Variants in CA10 observed in about 807,000 individuals in gnomAD.
The protein encoded by CA10 is carbonic anhydrase 10 (inactive).
Under a neutral mutation model 44.2 loss-of-function variants are expected in CA10, and 14 were observed. The ratio of observed to expected loss-of-function variants is 0.32; its 90% confidence interval spans 0.21 to 0.50. The LOEUF (loss-of-function observed/expected upper bound fraction) is 0.50. Ranked by LOEUF, CA10 falls within the 20% of genes least tolerant of loss-of-function variation. The pLI, the probability that CA10 is intolerant of heterozygous loss-of-function variation, is 0.99. For synonymous variants in CA10, 159 were observed against 141.6 expected (o/e 1.12, Z -0.87); for missense variants, 350 against 409.7 (o/e 0.85, Z 1.26).
At chr17:51,638,997 T>C (rs1469076174) in intron 6 of CA10, among the ~76,000 whole-genome samples, 2 of 152,070 alleles carry the variant, frequency 1.3e-5, no homozygotes, top group Non-Finnish European at 2.9e-5. Context: ...GTGAGAAATG[T>C]GGCTGGTGGG....
At chr17:52,094,963 C>T (rs1042858373) in intron 1 of CA10, among the ~76,000 whole-genome samples, 28 of 152,130 alleles carry the variant, frequency 1.8e-4, no homozygotes, top group Admixed American at 1.4e-3. Context: ...TAATTTCACT[C>T]CTAGGTATAG....
chr17:52,052,609 A>G (rs1355210450), intron 2 of CA10, among the ~76,000 whole-genome samples: 1 of 152,108 alleles, frequency 6.6e-6, no homozygotes, highest in Admixed American at 6.6e-5. Context: ...TTCAGAAGAT[A>G]TCAAGTGAAT....
intron 3 of CA10, among the ~76,000 whole-genome samples, chr17:51,751,538 C>T (rs1904890258): frequency 6.6e-6 from 1 of 152,172 alleles, no homozygotes; most frequent in Non-Finnish European, 1.5e-5. Flanking sequence ...CCTTCCCTTA[C>T]TCTTGGCTAT....
At chr17:51,906,629 A>G (rs764871439) in intron 3 of CA10, among the ~76,000 whole-genome samples, 3 of 152,070 alleles carry the variant, frequency 2.0e-5, no homozygotes, top group Non-Finnish European at 4.4e-5. Flanking sequence ...CCACTTTCTT[A>G]GTTTCCAGAC....
At chr17:51,867,203 C>CAAGT (rs1333376162) in intron 3 of CA10, among the ~76,000 whole-genome samples, 2 of 152,132 alleles carry the variant, frequency 1.3e-5, no homozygotes, top group African/African-American at 4.8e-5. Flanking sequence ...AATTGATTAG[C>CAAGT]AAGTGTAATT....
chr17:52,160,013 A>C (rs1035865162), upstream of CA10: 16 of 152,164 alleles, frequency 1.1e-4, no homozygotes, highest in Admixed American at 7.9e-4. Flanking sequence ...CCGATTGGGA[A>C]CTGTGACGTT....
chr17:51,845,714 C>T (rs759097018), intron 3 of CA10, among the ~76,000 whole-genome samples: 1 of 152,168 alleles, frequency 6.6e-6, no homozygotes, highest in Non-Finnish European at 1.5e-5. Flanking sequence ...ACTCCTTGTC[C>T]ACCTCTTTTC....
intron 1 of CA10, among the ~76,000 whole-genome samples, chr17:52,139,451 ATT>A (rs57107629): frequency 2.7e-3 from 378 of 140,630 alleles, no homozygotes; most frequent in Middle Eastern, 7.2e-3. Flanking sequence ...AGACAAGGTG[ATT>A]TTTTTTTTTT....
chr17:51,849,266 A>ATATATAT (rs1555605624), intron 3 of CA10, among the ~76,000 whole-genome samples: 12 of 68,428 alleles, frequency 1.8e-4, no homozygotes, highest in Non-Finnish European at 3.1e-4. Context: ...TATATATATA[A>ATATATAT]AACTAAGTTT....
chr17:52,042,546 A>G lies in CA10; in HGVS notation c.136+29773T>C, dbSNP rs1986800533. Among the ~76,000 whole-genome samples, 3 of 151,862 alleles carry G rather than the reference A, an allele frequency of 2.0e-5. No homozygotes were observed. In the South Asian group the frequency reaches 6.2e-4, roughly 31 times the overall value. ...ATTTGCAAATATTTTCTCCCATTCT[A>G]TAGTTTGCCTTTTCATCTTGATTTT... On this transcript the variant is annotated intron_variant, in intron 2 of 8. Coordinates refer to ENST00000451037, the MANE Select transcript of CA10 (RefSeq NM_020178.5).
At chr17:51,731,630 A>G (rs1916722573) in intron 4 of CA10, among the ~76,000 whole-genome samples, 2 of 149,740 alleles carry the variant, frequency 1.3e-5, no homozygotes, top group African/African-American at 4.9e-5. Flanking sequence ...ACTACTGGAA[A>G]AGACACAGAG....
chr17:52,148,392 G>T (rs546326230), intron 1 of CA10, among the ~76,000 whole-genome samples: 2 of 152,322 alleles, frequency 1.3e-5, no homozygotes, highest in East Asian at 3.9e-4. Flanking sequence ...TTGGTATGGT[G>T]TCATAAATAC....
chr17:52,064,219 C>G (rs1181608124), intron 2 of CA10, among the ~76,000 whole-genome samples: 1 of 152,186 alleles, frequency 6.6e-6, no homozygotes, highest in Non-Finnish European at 1.5e-5. Context: ...CAAGGACCCA[C>G]ATGAGCTTGA....
intron 6 of CA10, among the ~76,000 whole-genome samples, chr17:51,646,846 T>C (rs1913359996): frequency 6.6e-6 from 1 of 152,208 alleles, no homozygotes. Context: ...TCGGCCATCA[T>C]TATTCCTGCA....
chr17:51,891,837 C>T (rs981511875), intron 3 of CA10, among the ~76,000 whole-genome samples: 1 of 152,154 alleles, frequency 6.6e-6, no homozygotes, highest in Non-Finnish European at 1.5e-5. Flanking sequence ...GCACTATAAG[C>T]AGGAAGAAGG....
intron 3 of CA10, among the ~76,000 whole-genome samples, chr17:51,824,021 T>C (rs1176550409): frequency 1.3e-5 from 2 of 152,258 alleles, no homozygotes; most frequent in Admixed American, 1.3e-4. Flanking sequence ...TATTTCATAT[T>C]ATTTTTACTG....
rs553163152 is a variant in CA10, at chr17:51,984,775, T to A, written c.137-53643A>T. Among the ~76,000 whole-genome samples the A allele has an allele frequency of 8.7e-4, 132 of 151,966 alleles. 1 individual carries two copies. The highest frequency in any genetic ancestry group is 2.9e-3 in the African/African-American group (121 of 41,500). ...AGAAAACCTAGATGAGATGAATAAG[T>A]TCCTGGAAAAATACAACCTTTCCTG... On this transcript the variant is annotated intron_variant, in intron 2 of 8. Transcript: ENST00000451037.
chr17:52,072,715 ACAAC>A (rs1567723924), intron 1 of CA10, among the ~76,000 whole-genome samples: 1 of 149,780 alleles, frequency 6.7e-6, no homozygotes, highest in African/African-American at 2.5e-5. Context: ...ACACACACAC[ACAAC>A]ACACACACAG....
At chr17:52,079,032 A>G (rs1945888127) in intron 1 of CA10, among the ~76,000 whole-genome samples, 1 of 152,172 alleles carries the variant, frequency 6.6e-6, no homozygotes, top group Admixed American at 6.5e-5. Context: ...TACTCCTGTA[A>G]TCCCAGCACT....
Sources: allele counts gnomAD v4.1 joint callset (sites outside exome capture counted in the v4.1 genomes callset), GRCh38; gene constraint gnomAD v4.1.1; transcripts MANE v1.5; gene names NCBI Gene and HGNC (gene_info 2026-07-23, HGNC 2026-07-21).